GRID2: variants seen among roughly 807,000 people sequenced by gnomAD.
GRID2 encodes glutamate ionotropic receptor delta type subunit 2, also known as glutamate receptor ionotropic, delta-2.
GRID2 carries 33 observed loss-of-function variants against 114.8 expected under a neutral mutation model. The observed-to-expected ratio is 0.29, with a 90% CI of 0.22 to 0.38. The LOEUF (loss-of-function observed/expected upper bound fraction) is 0.38. Ranked by LOEUF, GRID2 falls within the 10% of genes least tolerant of loss-of-function variation. The probability of loss-of-function intolerance (pLI) is 1.00; values close to 1 mark genes in which losing one functional copy is unlikely to be tolerated. For missense variants in GRID2, 1,184 were observed against 1,257.7 expected, an observed-to-expected ratio of 0.94 and a Z score of 0.89; for synonymous variants, 505 against 449.9, an observed-to-expected ratio of 1.12 and a Z score of -1.55.
intron 8 of GRID2, among the ~76,000 whole-genome samples, chr4:93,295,576 T>C (rs1754206203): frequency 6.6e-6 from 1 of 152,036 alleles, no homozygotes; most frequent in South Asian, 2.1e-4. Flanking sequence ...AGTGGAATTA[T>C]ATCTCCTCTT....
chr4:92,547,774 G>A (rs17019548), intron 1 of GRID2, among the ~76,000 whole-genome samples: 1 of 151,700 alleles, frequency 6.6e-6, no homozygotes, highest in East Asian at 1.9e-4. Flanking sequence ...TAAGTAGGGA[G>A]GATTTAAATG....
At chr4:92,770,222 A>G (rs1393889179) in intron 2 of GRID2, among the ~76,000 whole-genome samples, 2 of 152,198 alleles carry the variant, frequency 1.3e-5, no homozygotes, top group Non-Finnish European at 2.9e-5. Flanking sequence ...ACATAAAGAG[A>G]ATCACCTTTG....
intron 2 of GRID2, among the ~76,000 whole-genome samples, chr4:93,064,124 AAATAT>A (rs148299535): frequency 0.42 from 62,046 of 148,494 alleles, 13,352 homozygotes; most frequent in Admixed American, 0.53. Flanking sequence ...TAATTTATTA[AAATAT>A]AATATATATA....
chr4:93,511,046 C>T (rs577908542), intron 12 of GRID2, among the ~76,000 whole-genome samples: 1 of 152,058 alleles, frequency 6.6e-6, no homozygotes, highest in African/African-American at 2.4e-5. Flanking sequence ...AAGTGATTCC[C>T]CTGCCTCAGC....
intron 2 of GRID2, among the ~76,000 whole-genome samples, chr4:92,800,144 C>T (rs777360194): frequency 6.7e-6 from 1 of 149,174 alleles, no homozygotes; most frequent in Non-Finnish European, 1.5e-5. Flanking sequence ...GAAAAATAAT[C>T]AGCAATTTAT....
intron 2 of GRID2, among the ~76,000 whole-genome samples, chr4:92,653,954 T>G (rs1305402673): frequency 1.3e-5 from 2 of 152,160 alleles, no homozygotes; most frequent in African/African-American, 4.8e-5. Flanking sequence ...AGAACTAATT[T>G]TAAGGAATAG....
chr4:92,783,675 G>A (rs1182691048), intron 2 of GRID2, among the ~76,000 whole-genome samples: 1 of 152,018 alleles, frequency 6.6e-6, no homozygotes, highest in Non-Finnish European at 1.5e-5. Flanking sequence ...CTGAGGCCAG[G>A]AGTTCAGGAC....
chr4:92,566,509 T>C (rs1246000695), intron 1 of GRID2, among the ~76,000 whole-genome samples: 4 of 151,972 alleles, frequency 2.6e-5, no homozygotes, highest in Non-Finnish European at 5.9e-5. Context: ...GCATGCCTCC[T>C]TCACAATGGC....
intron 2 of GRID2, among the ~76,000 whole-genome samples, chr4:92,816,844 A>G (rs1337773533): frequency 6.6e-6 from 1 of 152,164 alleles, no homozygotes; most frequent in African/African-American, 2.4e-5. Context: ...ATTGAGGAGA[A>G]ATAACTTTAC....
At chr4:93,074,141 A>G (rs1182819680) in intron 2 of GRID2, among the ~76,000 whole-genome samples, 1 of 152,228 alleles carries the variant, frequency 6.6e-6, no homozygotes, top group Non-Finnish European at 1.5e-5. Flanking sequence ...GAGGAATCCA[A>G]AGCCTGTGGT....
intron 8 of GRID2, among the ~76,000 whole-genome samples, chr4:93,357,464 T>G (rs919739841): frequency 2.2e-4 from 34 of 151,610 alleles, no homozygotes; most frequent in African/African-American, 5.8e-4. Flanking sequence ...TTCCTATTTT[T>G]GGGGGAAGTT....
chr4:93,592,710 C>T (rs2149617839), intron 13 of GRID2, among the ~76,000 whole-genome samples: 1 of 152,240 alleles, frequency 6.6e-6, no homozygotes, highest in Middle Eastern at 3.4e-3. Context: ...TTGTAGGTCA[C>T]TCAGGACTTG....
chr4:93,284,341 T>C (rs1240294381), intron 8 of GRID2, among the ~76,000 whole-genome samples: 1 of 151,860 alleles, frequency 6.6e-6, no homozygotes, highest in Non-Finnish European at 1.5e-5. Flanking sequence ...CAACACACAT[T>C]GGGGCACACA....
chr4:93,120,703 C>A (rs1256670688), intron 4 of GRID2, among the ~76,000 whole-genome samples: 1 of 152,102 alleles, frequency 6.6e-6, no homozygotes, highest in East Asian at 1.9e-4. Context: ...CCTGTAATCC[C>A]AGCACTTTGG....
chr4:93,319,256 T>C (rs1314464208), intron 8 of GRID2, among the ~76,000 whole-genome samples: 1 of 152,130 alleles, frequency 6.6e-6, no homozygotes, highest in Non-Finnish European at 1.5e-5. Context: ...CCATTCAATA[T>C]GTTGTTTTTC....
At chr4:93,317,823 A>T (rs72666979) in intron 8 of GRID2, among the ~76,000 whole-genome samples, 3,857 of 151,224 alleles carry the variant, frequency 0.026, 67 homozygotes, top group Middle Eastern at 0.062. Context: ...TATCTCTTTA[A>T]GTAGTGAAGA....
intron 13 of GRID2, among the ~76,000 whole-genome samples, chr4:93,565,246 C>A (rs1735292755): frequency 6.6e-6 from 1 of 151,794 alleles, no homozygotes; most frequent in African/African-American, 2.4e-5. Context: ...CTTAATACAC[C>A]ACACACATGA....
intron 9 of GRID2, among the ~76,000 whole-genome samples, chr4:93,416,616 G>C (rs1320386691): frequency 6.6e-6 from 1 of 152,020 alleles, no homozygotes; most frequent in Non-Finnish European, 1.5e-5. Context: ...TATCAAAAAT[G>C]TCAGATGCTT....
chr4:92,615,977 TTG>T (rs1231546969), intron 2 of GRID2, among the ~76,000 whole-genome samples: 1 of 151,652 alleles, frequency 6.6e-6, no homozygotes, highest in Non-Finnish European at 1.5e-5. Flanking sequence ...AGTTTTGTAA[TTG>T]TGATTTATGC....
Sources: gnomAD v4.1 joint callset for allele counts (sites outside exome capture counted in the v4.1 genomes callset) on GRCh38, gnomAD v4.1.1 for gene constraint, MANE v1.5 for transcripts, NCBI Gene and HGNC (gene_info 2026-07-23, HGNC 2026-07-21) for gene names.